Variants in PDHA1 observed in about 807,000 individuals in gnomAD.
The protein encoded by PDHA1 is pyruvate dehydrogenase E1 component subunit alpha, somatic form, mitochondrial.
In PDHA1, 1 loss-of-function variant was observed where a neutral mutation model predicts 33.0. The ratio of observed to expected loss-of-function variants is 0.03; its 90% CI spans 0.01 to 0.14. The LOEUF (loss-of-function observed/expected upper bound fraction) is 0.14. PDHA1 is among the 10% of genes least tolerant of loss of function. The pLI is 1.00. For missense variants in PDHA1, 168 were observed against 325.1 expected (o/e 0.52, Z 3.72); for synonymous variants, 123 against 119.2 (o/e 1.03, Z -0.21).
chrX:19,354,740 T>C (rs2063183933), intron 6 of PDHA1, among the ~76,000 whole-genome samples, 157 bp downstream of exon 6: 1 of 112,997 alleles, frequency 8.8e-6, no homozygotes, highest in Admixed American at 9.3e-5. Context: ...GATTAGAGAT[T>C]GACCTCTTAG....
At chrX:19,345,035 A>G (rs1335927321) in intron 1 of PDHA1, among the ~76,000 whole-genome samples, 1 of 111,309 alleles carries the variant, frequency 9.0e-6, no homozygotes, top group African/African-American at 3.3e-5. Flanking sequence ...GCAAAGAGCA[A>G]CGATGCTTGA....
chrX:19,358,036 T>C (rs938851370), intron 9 of PDHA1, among the ~76,000 whole-genome samples: 5 of 111,007 alleles, frequency 4.5e-5, no homozygotes, highest in African/African-American at 1.6e-4. Flanking sequence ...ATTTAGCTTT[T>C]GTAGGCATTA....
At chrX:19,354,718 G>A (rs1174620281) in intron 6 of PDHA1, 135 bp downstream of exon 6, 21 of 526,569 alleles carry the variant, frequency 4.0e-5, no homozygotes, top group Non-Finnish European at 6.8e-5. Context: ...AAATTTGGTT[G>A]ACTTATGGCC....
At position 19,354,605 on chromosome X, in the gene PDHA1, C is replaced by T. The variant is rs774254122; in HGVS notation, c.603+22C>T. 31 of 896,523 alleles carry T rather than the reference C, an allele frequency of 3.5e-5. No homozygotes were observed. In the South Asian group the frequency reaches 6.1e-4, roughly 18 times the overall value. 73.9% of individuals were successfully genotyped at this position (896,523 alleles called of 1,213,427 possible). ...CCAGGTAATTATGTCTCTTAACTTC[C>T]CAAAAACAGTCTTATTTTCAAAGTC... is the stretch of plus-strand genomic sequence containing the variant. On this transcript the variant is annotated intron_variant, in intron 6 of 10. Coordinates refer to ENST00000422285, the MANE Select transcript of PDHA1 (RefSeq NM_000284.4).
At chrX:19,350,205 T>A in intron 3 of PDHA1, 95 bp downstream of exon 3, 2 of 636,625 alleles carry the variant, frequency 3.1e-6, no homozygotes, top group Non-Finnish European at 5.3e-6. Flanking sequence ...ATCAGAAGAG[T>A]TTGAGGCTGG....
At chrX:19,346,551 C>T (rs2063135427) in intron 1 of PDHA1, 2 of 665,576 alleles carry the variant, frequency 3.0e-6, no homozygotes, top group East Asian at 7.9e-5. Context: ...TCTCCATCTC[C>T]AGGCTCAAGC....
chrX:19,349,276 A>T, intron 1 of PDHA1, 36 bp from the exon 2 acceptor site: 1 of 971,754 alleles, frequency 1.0e-6, no homozygotes, highest in Non-Finnish European at 1.5e-6. Context: ...GACAATTAAA[A>T]AGTACTGATT....
At chrX:19,357,753 TG>T (rs764638690) in intron 9 of PDHA1, 34 bp downstream of exon 9, 1 of 1,106,236 alleles carries the variant, frequency 9.0e-7, no homozygotes, top group Non-Finnish European at 1.3e-6. Flanking sequence ...TCCATAGGGG[TG>T]GGCTTTGAAT....
chrX:19,357,594 G>C, intron 8 of PDHA1, 58 bp from the exon 9 acceptor site: 1 of 983,690 alleles, frequency 1.0e-6, no homozygotes, highest in Non-Finnish European at 1.5e-6. Flanking sequence ...GTGGATTGCC[G>C]GCCTGTTCTT....
chrX:19,357,358 A>C, intron 8 of PDHA1: 1 of 326,334 alleles, frequency 3.1e-6, no homozygotes, highest in South Asian at 3.8e-5. Flanking sequence ...AGCTTCCCAA[A>C]GTGCTGGGAT....
At position 19,355,483 on chromosome X, in the gene PDHA1, C is replaced by A. The variant is rs1555934379; in HGVS notation, c.738C>A (p.Gly246=). The change falls in exon 7 of 11, where the codon GGC becomes GGA. Residue 246 remains glycine (G), a synonymous_variant. Coordinates refer to ENST00000422285, the MANE Select transcript of PDHA1 (RefSeq NM_000284.4). The stretch of plus-strand genomic sequence containing the variant: ...CCAGCACTGATTACTACAAGAGAGG[C>A]GATTTCATTCCTGGGCTGAGAGTAA... ...AAASTDYYKR[G]DFIPGLRVDG... The A allele has an allele frequency of 8.3e-7, 1 of 1,210,207 alleles. No homozygotes were observed. The highest frequency in any genetic ancestry group is 1.8e-5 in the African/African-American group (1 of 56,877).
At chrX:19,345,554 G>C (rs1051868977) in intron 1 of PDHA1, among the ~76,000 whole-genome samples, 14 of 72,347 alleles carry the variant, frequency 1.9e-4, no homozygotes, top group South Asian at 1.0e-3. Flanking sequence ...TGGGCGACAA[G>C]AGCAAGACTC....
chrX:19,353,011 T>G lies in PDHA1; in HGVS notation c.419-71T>G, dbSNP rs1300942617. 8 of 828,564 alleles carry G rather than the reference T, an allele frequency of 9.7e-6. No individual in the cohort carries two copies. In the East Asian group the frequency reaches 2.5e-4, roughly 26 times the overall value. The allele number at this position is 828,564 out of a possible 1,213,427, so 68.3% of individuals were successfully genotyped here. A position where few individuals can be genotyped will look rare whatever the true frequency, so the allele number is the denominator to read the frequency against. ...TAATGGTTGAGCCTCAGAGTACATA[T>G]TTGGGGTGCGGTTTGGTTTGCTTTG... is the stretch of plus-strand genomic sequence containing the variant. On this transcript the variant is annotated intron_variant, in intron 4 of 10. Coordinates refer to ENST00000422285, the MANE Select transcript of PDHA1 (RefSeq NM_000284.4).
chrX:19,347,661 T>A (rs2063143034), intron 1 of PDHA1, among the ~76,000 whole-genome samples: 1 of 112,920 alleles, frequency 8.9e-6, no homozygotes, highest in South Asian at 3.6e-4. Flanking sequence ...TGTAGTTGTA[T>A]TTGGAAATTT....
intron 1 of PDHA1, among the ~76,000 whole-genome samples, chrX:19,348,989 A>G (rs2063149441): frequency 8.9e-6 from 1 of 112,455 alleles, no homozygotes; most frequent in Non-Finnish European, 1.9e-5. Context: ...CACAGCTCAC[A>G]GATGATCTAG....
At chrX:19,348,852 G>T (rs2063148231) in intron 1 of PDHA1, among the ~76,000 whole-genome samples, 1 of 111,856 alleles carries the variant, frequency 8.9e-6, no homozygotes, top group African/African-American at 3.2e-5. Context: ...ACTGAGACAG[G>T]AGAAATCACT....
intron 10 of PDHA1, 112 bp downstream of exon 10, chrX:19,359,136 C>T: frequency 1.9e-6 from 1 of 525,989 alleles, no homozygotes; most frequent in Non-Finnish European, 3.4e-6. Context: ...TGTCCTGGGA[C>T]ATAAATAGTT....
At position 19,353,045 on chromosome X, in the gene PDHA1, G is replaced by A. The variant is rs916965958; in HGVS notation, c.419-37G>A. ...CGGTTTGGTTTGCTTTGTAGAGTTG[G>A]TTTGTTCTGCACATGTGTATGTTCT... On this transcript the variant is annotated intron_variant, in intron 4 of 10. Transcript: ENST00000422285. 2.7e-6 allele frequency: 3 copies of A among 1,109,221 alleles called. No individual in the cohort carries two copies. In the African/African-American group the frequency reaches 5.4e-5, roughly 20 times the overall value. The allele number at this position is 1,109,221 out of a possible 1,213,427, so 91.4% of individuals were successfully genotyped here.
chrX:19,345,239 T>TAAG (rs757088250), intron 1 of PDHA1, among the ~76,000 whole-genome samples: 10 of 110,490 alleles, frequency 9.1e-5, no homozygotes, highest in Non-Finnish European at 1.7e-4. Flanking sequence ...TGTCAAAAGG[T>TAAG]AAGAGGTATG....
Sources: allele counts gnomAD v4.1 joint callset (sites outside exome capture counted in the v4.1 genomes callset), GRCh38; gene constraint gnomAD v4.1.1; transcripts MANE v1.5; gene names NCBI Gene and HGNC (gene_info 2026-07-23, HGNC 2026-07-21).